PGR: variants seen among roughly 807,000 people sequenced by gnomAD.
The protein encoded by PGR is progesterone receptor.
PGR carries 25 observed loss-of-function variants against 76.1 expected under a neutral mutation model. That is an observed-to-expected ratio of 0.33 (90% CI 0.24 to 0.46). The LOEUF is 0.46. Ranked by LOEUF, PGR falls within the 20% of genes least tolerant of loss-of-function variation. PGR has a pLI of 1.00. For synonymous variants in PGR, 579 were observed against 535.0 expected, an observed-to-expected ratio of 1.08 and a Z score of -1.14; for missense variants, 1,172 against 1,225.3, an observed-to-expected ratio of 0.96 and a Z score of 0.65.
intron 3 of PGR, among the ~76,000 whole-genome samples, chr11:101,090,164 C>G (rs1191201596): frequency 1.3e-5 from 2 of 151,956 alleles, no homozygotes; most frequent in Non-Finnish European, 1.5e-5. Context: ...CACCATTGCA[C>G]TCCAGCCTGG....
rs1457083080 is a variant in PGR at position 101,035,487 on chromosome 11, GA to G, written c.*3628del. ...CATTTTATATCATAACCTTCTTAGG[GA>G]TAGGGATGTTTTTTGGGTTGATGAC... On this transcript the variant is annotated 3_prime_UTR_variant, in exon 8 of 8. Coordinates refer to ENST00000325455, the MANE Select transcript of PGR (RefSeq NM_000926.4). The G allele has an allele frequency of 8.6e-6, 2 of 231,868 alleles. No homozygotes were observed. The highest frequency in any genetic ancestry group is 4.4e-5 in the African/African-American group (2 of 45,266). 14.4% of individuals were successfully genotyped at this position (231,868 alleles called of 1,614,324 possible).
chr11:101,088,542 C>G (rs1474665993), intron 3 of PGR, among the ~76,000 whole-genome samples: 1 of 152,086 alleles, frequency 6.6e-6, no homozygotes, highest in African/African-American at 2.4e-5. Flanking sequence ...CTGTGTTAGC[C>G]AGGATGGTCT....
rs144087462 is a variant in PGR at position 101,036,132 on chromosome 11, T to C, written c.*2984A>G. ...GTGCCCATCATCAAACACATGACTA[T>C]CTGTGGATAATTTAAGTTACAGGTT... is the stretch of plus-strand genomic sequence containing the variant. On this transcript the variant is annotated 3_prime_UTR_variant, in exon 8 of 8. Coordinates refer to ENST00000325455, the MANE Select transcript of PGR (RefSeq NM_000926.4). 4.6e-6 allele frequency: 1 copy of C among 218,510 alleles called. No homozygotes were observed. The highest frequency in any genetic ancestry group is 9.2e-6 in the Non-Finnish European group (1 of 108,812). 13.5% of individuals were successfully genotyped at this position (218,510 alleles called of 1,614,324 possible). A position where few individuals can be genotyped will look rare whatever the true frequency, so the allele number is the denominator to read the frequency against.
rs1859484698 is a variant in PGR at position 101,035,624 on chromosome 11, C to T, written c.*3492G>A. 4.3e-6 allele frequency: 1 copy of T among 231,742 alleles called. No individual in the cohort carries two copies. Among genetic ancestry groups the T allele is most frequent in the South Asian group, 1.8e-4 (1 of 5,512 alleles). 14.4% of individuals were successfully genotyped at this position (231,742 alleles called of 1,614,324 possible). A position where few individuals can be genotyped will look rare whatever the true frequency, so the allele number is the denominator to read the frequency against. On this transcript the variant is annotated 3_prime_UTR_variant, in exon 8 of 8. Transcript: ENST00000325455. ...CTGTGTTCTAGTCAGGCTCTCTGTT[C>T]TAAAAAGACACTTAAAAATGTTAAA...
intron 4 of PGR, among the ~76,000 whole-genome samples, chr11:101,052,894 A>G (rs1229300211): frequency 6.6e-6 from 1 of 152,194 alleles, no homozygotes. Flanking sequence ...TTGCTGAGAT[A>G]AAATAAAGGA....
rs1859522033 is a variant in PGR at position 101,036,547 on chromosome 11, A to G, written c.*2569T>C. The G allele has an allele frequency of 2.5e-5, 5 of 198,674 alleles. No homozygotes were observed. Among genetic ancestry groups the G allele is most frequent in the Non-Finnish European group, 4.2e-5 (4 of 96,128 alleles). 12.3% of individuals were successfully genotyped at this position (198,674 alleles called of 1,614,324 possible). A position where few individuals can be genotyped will look rare whatever the true frequency, so the allele number is the denominator to read the frequency against. On this transcript the variant is annotated 3_prime_UTR_variant, in exon 8 of 8. Transcript: ENST00000325455. ...AAGATAATGGTTATGATGACTAAAT[A>G]GTAATGGAGACATTAGTAGATAGGA...
Position 101,127,888 on chromosome 11 carries a change from C to G in PGR, c.1183G>C (p.Glu395Gln). The change falls in exon 1 of 8, where the codon GAG becomes CAG. Residue 395 changes from glutamate to glutamine, a missense_variant. Transcript: ENST00000325455. ...LKIKEEEEGA[E>Q]ASARSPRSYL... ...GAACGCGGGGAGCGCGCGGAGGCCTCCGCGCCTTCCTCCTCCTCCTTTATC... is the reference window on the plus strand; with the variant it reads ...GAACGCGGGGAGCGCGCGGAGGCCTGCGCGCCTTCCTCCTCCTCCTTTATC... The G allele has an allele frequency of 6.2e-7, 1 of 1,605,546 alleles. No homozygotes were observed. Among genetic ancestry groups the G allele is most frequent in the Non-Finnish European group, 8.5e-7 (1 of 1,178,538 alleles).
intron 5 of PGR, among the ~76,000 whole-genome samples, chr11:101,050,647 G>C (rs1362392205): frequency 1.3e-5 from 2 of 152,076 alleles, no homozygotes; most frequent in African/African-American, 4.8e-5. Flanking sequence ...CCAACCTTGT[G>C]TTGTTTTATA....
Position 101,127,283 on chromosome 11 carries a change from G to A in PGR, c.1637+151C>T, listed in dbSNP as rs528621070. 9.2e-5 allele frequency: 45 copies of A among 489,122 alleles called. No individual in the cohort carries two copies. In the East Asian group the frequency reaches 1.1e-3, roughly 12 times the overall value. The allele number at this position is 489,122 out of a possible 1,614,324, so 30.3% of individuals were successfully genotyped here. On this transcript the variant is annotated intron_variant, in intron 1 of 7. Transcript: ENST00000325455. ...GGAGGGAAGAAGAAGGGAGGCAACTGCCCCTGTGCTGTGTCCCGCTGCCCA... is the reference window on the plus strand; with the variant it reads ...GGAGGGAAGAAGAAGGGAGGCAACTACCCCTGTGCTGTGTCCCGCTGCCCA...
In PGR at chr11:101,037,877, C is replaced by T; in HGVS notation, c.*1239G>A. ...ACACTATTGACCACTTTATATGGCT[C>T]CCAGACTCCCAGGAGAGTCACAATT... On this transcript the variant is annotated 3_prime_UTR_variant, in exon 8 of 8. Coordinates refer to ENST00000325455, the MANE Select transcript of PGR (RefSeq NM_000926.4). 4.6e-6 allele frequency: 1 copy of T among 217,662 alleles called. No homozygotes were observed. Among genetic ancestry groups the T allele is most frequent in the African/African-American group, 2.2e-5 (1 of 44,548 alleles). The allele number at this position is 217,662 out of a possible 1,614,324, so 13.5% of individuals were successfully genotyped here.
In PGR at chr11:101,038,397, C is replaced by T. The variant is rs1302222356; in HGVS notation, c.*719G>A. The T allele has an allele frequency of 4.7e-6, 1 of 215,030 alleles. No individual in the cohort carries two copies. The highest frequency in any genetic ancestry group is 9.4e-6 in the Non-Finnish European group (1 of 106,536). 13.3% of individuals were successfully genotyped at this position (215,030 alleles called of 1,614,324 possible). On this transcript the variant is annotated 3_prime_UTR_variant, in exon 8 of 8. Transcript: ENST00000325455. ...CCACTCGCAATACCTCATTAGAGGACAATTCTCTCCCCAAAAAAGGTTATT... is the reference window on the plus strand; with the variant it reads ...CCACTCGCAATACCTCATTAGAGGATAATTCTCTCCCCAAAAAAGGTTATT...
chr11:101,098,282 G>T (rs966540657), intron 2 of PGR, among the ~76,000 whole-genome samples: 1 of 152,100 alleles, frequency 6.6e-6, no homozygotes, highest in African/African-American at 2.4e-5. Flanking sequence ...GACCTATATT[G>T]TTTGTGTTGC....
chr11:101,062,627 C>G lies in PGR; in HGVS notation c.2032G>C (p.Gly678Arg). ...GGTGGAATCAACTGTATGTCTTGAC[C>G]TGGTGAAAAAGTGAATCTCTGGCTT... ...ALSQRFTFSP[G>R]QDIQLIPPLI... The change falls in exon 4 of 8, where the codon GGT becomes CGT. Residue 678 changes from glycine (G) to arginine (R), a missense_variant. Coordinates refer to ENST00000325455, the MANE Select transcript of PGR (RefSeq NM_000926.4). 6.2e-7 allele frequency: 1 copy of G among 1,613,952 alleles called. No homozygotes were observed. Among genetic ancestry groups the G allele is most frequent in the Non-Finnish European group, 8.5e-7 (1 of 1,179,946 alleles).
In PGR at chr11:101,127,626, G is replaced by T; in HGVS notation, c.1445C>A (p.Ala482Glu). ...QGPFAPPPCK[A>E]PGASGCLLPR... ...GAGCAGGCAGCCGCTCGCGCCCGGC[G>T]CCTTGCAGGGCGGCGGCGCGAACGG... The change falls in exon 1 of 8, where the codon GCG becomes GAG. Residue 482 changes from alanine to glutamate, a missense_variant. Physicochemically the swap from Ala to Glu is moderately radical, Grantham distance 107. Coordinates refer to ENST00000325455, the MANE Select transcript of PGR (RefSeq NM_000926.4). 1 of 1,334,248 alleles carries T rather than the reference G, an allele frequency of 7.5e-7. No individual in the cohort carries two copies. The highest frequency in any genetic ancestry group is 3.1e-5 in the East Asian group (1 of 32,456). 82.7% of individuals were successfully genotyped at this position (1,334,248 alleles called of 1,614,324 possible).
chr11:101,050,688 GAAT>G (rs1314763357), intron 5 of PGR, among the ~76,000 whole-genome samples: 1 of 152,032 alleles, frequency 6.6e-6, no homozygotes, highest in African/African-American at 2.4e-5. Context: ...AAGCTAACAA[GAAT>G]AATGAAAACT....
At chr11:101,058,161 C>G (rs1247947066) in intron 4 of PGR, among the ~76,000 whole-genome samples, 2 of 151,996 alleles carry the variant, frequency 1.3e-5, no homozygotes, top group African/African-American at 4.8e-5. Flanking sequence ...GCCAATAGTC[C>G]CAGAGGTAGG....
At chr11:101,099,583 G>A (rs1039338889) in intron 2 of PGR, among the ~76,000 whole-genome samples, 2 of 152,130 alleles carry the variant, frequency 1.3e-5, no homozygotes, top group African/African-American at 4.8e-5. Flanking sequence ...CAGCTAAGAG[G>A]ACAACCTAGA....
intron 4 of PGR, among the ~76,000 whole-genome samples, chr11:101,053,993 G>A (rs1022410480): frequency 6.6e-6 from 1 of 152,082 alleles, no homozygotes; most frequent in Non-Finnish European, 1.5e-5. Flanking sequence ...ATTTGAATCA[G>A]AAAATACTAA....
chr11:101,105,216 T>A (rs1862112965), intron 2 of PGR, among the ~76,000 whole-genome samples: 1 of 152,168 alleles, frequency 6.6e-6, no homozygotes, highest in African/African-American at 2.4e-5. Flanking sequence ...AAAGATATGG[T>A]ACCACTGGAG....
Sources: gnomAD v4.1 joint callset for allele counts (sites outside exome capture counted in the v4.1 genomes callset) on GRCh38, gnomAD v4.1.1 for gene constraint, MANE v1.5 for transcripts, NCBI Gene and HGNC (gene_info 2026-07-23, HGNC 2026-07-21) for gene names.